TTC39B: variants seen among roughly 807,000 people sequenced by gnomAD.
TTC39B encodes the protein tetratricopeptide repeat domain 39B.
TTC39B carries 92 observed loss-of-function variants against 96.6 expected under a neutral mutation model. That is an observed-to-expected ratio of 0.95 (90% confidence interval 0.80 to 1.13). The LOEUF is 1.13. Among genes scored for constraint, TTC39B ranks in the 50% most tolerant of loss-of-function variants. The probability of loss-of-function intolerance (pLI) is 0.00; values close to 1 mark genes in which losing one functional copy is unlikely to be tolerated. For missense variants in TTC39B, 955 were observed against 809.3 expected, an observed-to-expected ratio of 1.18 and a Z score of -2.18; for synonymous variants, 367 against 299.4, an observed-to-expected ratio of 1.23 and a Z score of -2.33.
chr9:15,304,098 ATT>A (rs1440716016), intron 1 of TTC39B, among the ~76,000 whole-genome samples: 1 of 152,252 alleles, frequency 6.6e-6, no homozygotes, highest in Non-Finnish European at 1.5e-5. Context: ...AAATCCTTAT[ATT>A]TGAGGGCCAA....
chr9:15,287,222 C>G (rs1236013641), intron 1 of TTC39B, among the ~76,000 whole-genome samples: 8 of 152,148 alleles, frequency 5.3e-5, no homozygotes, highest in Admixed American at 3.3e-4. Flanking sequence ...ATTTGTATGA[C>G]AATAATAGCG....
chr9:15,249,088 A>G (rs1196448591), intron 2 of TTC39B: 1 of 152,232 alleles, frequency 6.6e-6, no homozygotes, highest in Admixed American at 6.5e-5. Context: ...TCAGGAACAT[A>G]TGGGGGTTAT....
chr9:15,277,616 G>A (rs1823595195), intron 1 of TTC39B, among the ~76,000 whole-genome samples: 1 of 152,076 alleles, frequency 6.6e-6, no homozygotes, highest in South Asian at 2.1e-4. Flanking sequence ...GTGAGACCTT[G>A]GCCAACACAC....
intron 2 of TTC39B, among the ~76,000 whole-genome samples, chr9:15,242,464 T>C (rs917272534): frequency 3.9e-5 from 6 of 152,094 alleles, no homozygotes; most frequent in African/African-American, 9.7e-5. Flanking sequence ...ATACCTGTAG[T>C]CCCAGCTACT....
intron 3 of TTC39B, 64 bp from the exon 4 acceptor site, chr9:15,214,313 G>GGT: frequency 9.6e-7 from 1 of 1,041,902 alleles, no homozygotes; most frequent in African/African-American, 2.0e-5. Flanking sequence ...TTGTCCGAAG[G>GGT]GAGTGTGTGT....
rs1279312865 is a variant in TTC39B at position 15,268,660 on chromosome 9, C to T, written c.241-712G>A. ...AACCTAAGCTCCTCATCCAGGTATC[C>T]GGGGTCCACCACAACCCAGCTTAAT... On this transcript the variant is annotated intron_variant, in intron 1 of 19. Coordinates refer to ENST00000512701, the Ensembl canonical transcript of TTC39B. Among the ~76,000 whole-genome samples the T allele has an allele frequency of 3.9e-5, 6 of 152,078 alleles. No homozygotes were observed. The South Asian group carries it at 6.2e-4, about 16-fold the overall frequency.
intron 1 of TTC39B, among the ~76,000 whole-genome samples, chr9:15,297,746 G>A (rs574146232): frequency 6.6e-6 from 1 of 152,146 alleles, no homozygotes; most frequent in South Asian, 2.1e-4. Flanking sequence ...CAGCCTCCAC[G>A]CCTTGCCAGG....
chr9:15,297,039 G>A (rs1263193750), intron 1 of TTC39B, among the ~76,000 whole-genome samples: 1 of 152,146 alleles, frequency 6.6e-6, no homozygotes, highest in Non-Finnish European at 1.5e-5. Flanking sequence ...CGGTAGCTAA[G>A]CATTCAAGGC....
intron 16 of TTC39B, among the ~76,000 whole-genome samples, chr9:15,184,032 C>T (rs1042086048): frequency 1.3e-5 from 2 of 152,024 alleles, no homozygotes; most frequent in Non-Finnish European, 2.9e-5. Context: ...GTATAAAAGG[C>T]TCCCATAAGT....
chr9:15,182,196 T>C (rs973980070), intron 17 of TTC39B, 111 bp downstream of exon 17: 1 of 625,610 alleles, frequency 1.6e-6, no homozygotes, highest in South Asian at 2.6e-5. Context: ...TCAAGCTCTT[T>C]GTCCTTGGGA....
At chr9:15,273,866 C>T (rs1042439098) in intron 1 of TTC39B, among the ~76,000 whole-genome samples, 2 of 152,176 alleles carry the variant, frequency 1.3e-5, no homozygotes, top group African/African-American at 4.8e-5. Context: ...GAAGAGGATG[C>T]CCCAACTTCC....
chr9:15,176,897 C>T (rs1405755173), intron 18 of TTC39B, among the ~76,000 whole-genome samples: 2 of 152,164 alleles, frequency 1.3e-5, no homozygotes, highest in Non-Finnish European at 2.9e-5. Flanking sequence ...CCTGATTCAA[C>T]TCTATGGTTA....
Position 15,234,108 on chromosome 9 carries a change from G to C in TTC39B, c.276-8096C>G, listed in dbSNP as rs1462017785. 4.0e-5 allele frequency among the ~76,000 whole-genome samples: 6 copies of C among 149,612 alleles called. No individual in the cohort carries two copies. In the South Asian group the frequency reaches 1.1e-3, roughly 26 times the overall value. On this transcript the variant is annotated intron_variant, in intron 2 of 19. Coordinates refer to ENST00000512701, the Ensembl canonical transcript of TTC39B. ...CGACCCCATCTGGGAGGTGAGGAGT[G>C]TCTCTGCCCGGCCGCCCCGTCTGAG...
At chr9:15,268,254 T>C (rs1823211160) in intron 1 of TTC39B, among the ~76,000 whole-genome samples, 1 of 152,156 alleles carries the variant, frequency 6.6e-6, no homozygotes, top group East Asian at 1.9e-4. Flanking sequence ...CTAAATCTCA[T>C]TCTTCCCAAC....
At chr9:15,269,271 G>C (rs1823247251) in intron 1 of TTC39B, among the ~76,000 whole-genome samples, 1 of 152,024 alleles carries the variant, frequency 6.6e-6, no homozygotes, top group African/African-American at 2.4e-5. Context: ...TGTTTACTTG[G>C]TCACCCTCTG....
intron 2 of TTC39B, among the ~76,000 whole-genome samples, chr9:15,254,872 CTTTTT>C (rs34040951): frequency 1.4e-5 from 2 of 142,046 alleles, no homozygotes; most frequent in African/African-American, 2.5e-5. Context: ...AACACACACA[CTTTTT>C]TTTTTTTTTT....
At chr9:15,239,892 A>T (rs1252244461) in intron 2 of TTC39B, among the ~76,000 whole-genome samples, 3 of 152,248 alleles carry the variant, frequency 2.0e-5, no homozygotes, top group Non-Finnish European at 4.4e-5. Flanking sequence ...ATGCACATGT[A>T]CCTTCAAATC....
intron 1 of TTC39B, among the ~76,000 whole-genome samples, chr9:15,285,475 T>C (rs1823934028): frequency 6.6e-6 from 1 of 152,218 alleles, no homozygotes. Context: ...TACTACACAT[T>C]GTATGCCTGT....
At chr9:15,175,958 A>AGTTGTCTCCT (rs1331660163) in intron 18 of TTC39B, among the ~76,000 whole-genome samples, 1 of 152,236 alleles carries the variant, frequency 6.6e-6, no homozygotes, top group African/African-American at 2.4e-5. Flanking sequence ...AGACAAAGAC[A>AGTTGTCTCCT]GTTGTCTCCT....
Sources: allele counts gnomAD v4.1 joint callset (sites outside exome capture counted in the v4.1 genomes callset), GRCh38; gene constraint gnomAD v4.1.1; transcripts MANE v1.5; gene names NCBI Gene and HGNC (gene_info 2026-07-23, HGNC 2026-07-21).